SLX4: variants seen among roughly 807,000 people sequenced by gnomAD.
SLX4 encodes SLX4 structure-specific endonuclease subunit.
In SLX4, 112 loss-of-function variants were observed where a neutral mutation model predicts 146.2. The observed-to-expected ratio is 0.77, with a 90% CI of 0.66 to 0.90. The LOEUF (loss-of-function observed/expected upper bound fraction) is 0.90. Ranked by LOEUF, SLX4 falls within the 40% of genes least tolerant of loss-of-function variation. SLX4 has a pLI of 0.00. For synonymous variants in SLX4, 1,061 were observed against 997.7 expected (o/e 1.06, Z -1.20); for missense variants, 2,563 against 2,392.7 (o/e 1.07, Z -1.49).
chr16:3,604,877 T>C (rs997908494), intron 3 of SLX4, among the ~76,000 whole-genome samples: 4 of 151,158 alleles, frequency 2.6e-5, no homozygotes, highest in Non-Finnish European at 5.9e-5. Flanking sequence ...AATGTTAACA[T>C]TTGTTAAATC....
Position 3,589,535 on chromosome 16 carries a change from T to G in SLX4, c.4103A>C (p.His1368Pro), listed in dbSNP as rs777525901. Residue 1368 changes from histidine to proline, a missense_variant, in exon 12 of 15, where the codon CAC becomes CCC. By Grantham distance (77) the His-to-Pro change is moderately conservative. Coordinates refer to ENST00000294008, the MANE Select transcript of SLX4 (RefSeq NM_032444.4). This position sits in a 1 kb window ranked among gnomAD's most constrained non-coding sequence, Gnocchi z 6.2. ...GTGTTTCAGGAACCGCCTGCTGAAGTGGGCGCGGTCCCCTGAGATGGGATG... is the reference window on the plus strand; with the variant it reads ...GTGTTTCAGGAACCGCCTGCTGAAGGGGGCGCGGTCCCCTGAGATGGGATG... ...APHPISGDRAHFSRRFLKHSP... is the reference protein window; with the variant it reads ...APHPISGDRAPFSRRFLKHSP... The G allele has an allele frequency of 1.9e-6, 3 of 1,609,708 alleles. No homozygotes were observed. In the South Asian group the frequency reaches 3.3e-5, roughly 18 times the overall value.
chr16:3,594,371 C>T, intron 10 of SLX4, 82 bp downstream of exon 10: 1 of 1,548,492 alleles, frequency 6.5e-7, no homozygotes, highest in Non-Finnish European at 8.7e-7. Context: ...GCACCTGAGA[C>T]ATGGGAAGAC....
At chr16:3,593,378 G>C (rs1371043588) in intron 10 of SLX4, among the ~76,000 whole-genome samples, 1 of 152,110 alleles carries the variant, frequency 6.6e-6, no homozygotes, top group Non-Finnish European at 1.5e-5. Context: ...CCAGCCCCTA[G>C]GCTAATTTTT....
At chr16:3,594,242 C>A (rs914412237) in intron 10 of SLX4, among the ~76,000 whole-genome samples, 5 of 152,126 alleles carry the variant, frequency 3.3e-5, no homozygotes, top group Admixed American at 2.6e-4. Context: ...CACACCCACT[C>A]CTAACCTCAA....
At position 3,583,425 on chromosome 16, in the gene SLX4, C is replaced by CT; in HGVS notation, c.4824dup (p.Asp1609ArgfsTer47). 1 of 1,613,982 alleles carries CT rather than the reference C, an allele frequency of 6.2e-7. No individual in the cohort carries two copies. The highest frequency in any genetic ancestry group is 8.5e-7 in the Non-Finnish European group (1 of 1,179,884). On this transcript the variant is annotated frameshift_variant, in exon 14 of 15. Transcript: ENST00000294008. LOFTEE classifies it high-confidence loss of function. ...GAGGACTGGCTCTCGTCCTCGGAGT[C>CT]TGAGTCCAGGGTCTGGTGAGTGTAC... is the stretch of plus-strand genomic sequence containing the variant.
chr16:3,598,171 G>A (rs2151132272), intron 5 of SLX4, among the ~76,000 whole-genome samples, 172 bp from the exon 6 acceptor site: 1 of 152,258 alleles, frequency 6.6e-6, no homozygotes, highest in East Asian at 1.9e-4. Context: ...TCAATTCCAG[G>A]CCAGAAGTTC....
rs2040671305 is a variant in SLX4, at chr16:3,597,268, C to T, written c.1683+111G>A. The T allele has an allele frequency of 1.5e-6, 2 of 1,297,128 alleles. No homozygotes were observed. Among genetic ancestry groups the T allele is most frequent in the Non-Finnish European group, 2.1e-6 (2 of 965,346 alleles). 80.4% of individuals were successfully genotyped at this position (1,297,128 alleles called of 1,614,324 possible). The stretch of plus-strand genomic sequence containing the variant: ...CCCCTCTGGCCTCCTCCCGCCTCTG[C>T]CTTTCCTTCCTGGACTTTCCATCAC... On this transcript the variant is annotated intron_variant, in intron 7 of 14. Coordinates refer to ENST00000294008, the MANE Select transcript of SLX4 (RefSeq NM_032444.4). The surrounding 1 kb of genome is among the most constrained non-coding windows in gnomAD (Gnocchi z 4.4).
chr16:3,590,368 C>A lies in SLX4; in HGVS notation c.3270G>T (p.Thr1090=). The A allele has an allele frequency of 6.2e-7, 1 of 1,614,240 alleles. No individual in the cohort carries two copies. Among genetic ancestry groups the A allele is most frequent in the South Asian group, 1.1e-5 (1 of 91,082 alleles). The change falls in exon 12 of 15, where the codon ACG becomes ACT. Residue 1090 remains threonine, a synonymous_variant. Transcript: ENST00000294008. The surrounding 1 kb of genome is among the most constrained non-coding windows in gnomAD (Gnocchi z 4.8). Reference sequence around the variant, plus strand: ...TCTGGTGCCCTGGCTCTTTAGACAGCGTGAGGATGCTCCTGTCCCTTTTCT... The same window carrying A: ...TCTGGTGCCCTGGCTCTTTAGACAGAGTGAGGATGCTCCTGTCCCTTTTCT... ...SKQKRDRSIL[T]LSKEPGHQKG... is the part of the protein sequence containing the mutation.
chr16:3,595,031 G>T (rs1018582872), intron 9 of SLX4, among the ~76,000 whole-genome samples: 4 of 152,214 alleles, frequency 2.6e-5, no homozygotes, highest in Admixed American at 2.0e-4. Context: ...AGTCTGTGAT[G>T]ATGTCCCTAG....
chr16:3,606,844 C>G (rs2040791315), intron 2 of SLX4, 146 bp from the exon 3 acceptor site: 1 of 821,462 alleles, frequency 1.2e-6, no homozygotes, highest in African/African-American at 1.7e-5. Context: ...GGACTGGTTG[C>G]TTGTTGGTAA....
intron 12 of SLX4, 79 bp downstream of exon 12, chr16:3,588,923 T>G: frequency 1.9e-6 from 3 of 1,583,570 alleles, no homozygotes; most frequent in Non-Finnish European, 2.6e-6. Flanking sequence ...CCCCTGGGTC[T>G]CATGACTGAT....
In SLX4 at chr16:3,583,106, C is replaced by T. The variant is rs754498907; in HGVS notation, c.5144G>A (p.Ser1715Asn). The change falls in exon 14 of 15, where the codon AGC (serine) becomes AAC (asparagine). Residue 1715 changes from serine (S) to asparagine (N), a missense_variant. Coordinates refer to ENST00000294008, the MANE Select transcript of SLX4 (RefSeq NM_032444.4). The part of the protein sequence containing the change: ...TSVDGSDSSL[S>N]SQSSSSCEFG... ...GCATCCATCCGGTTACCTCTGTGAG[C>T]TCAAGGAGCTGTCACTGCCATCCAC... 88 of 1,614,146 alleles carry T rather than the reference C, an allele frequency of 5.5e-5. No homozygotes were observed. The highest frequency in any genetic ancestry group is 7.3e-5 in the Non-Finnish European group (86 of 1,180,058).
At chr16:3,595,503 A>G in intron 9 of SLX4, 102 bp downstream of exon 9, 1 of 1,305,466 alleles carries the variant, frequency 7.7e-7, no homozygotes, top group Admixed American at 1.7e-5. Flanking sequence ...AGGCCACTGC[A>G]CTTGCGTTGG....
rs1375613075 is a variant in SLX4, at chr16:3,583,464, T to A, written c.4786A>T (p.Lys1596Ter). The A allele has an allele frequency of 6.2e-7, 1 of 1,614,078 alleles. No homozygotes were observed. Among genetic ancestry groups the A allele is most frequent in the Non-Finnish European group, 8.5e-7 (1 of 1,180,052 alleles). Residue 1596 changes from lysine to a stop codon, truncating the protein, a stop_gained, in exon 14 of 15, where the codon AAG becomes TAG. Coordinates refer to ENST00000294008, the MANE Select transcript of SLX4 (RefSeq NM_032444.4). LOFTEE classifies it high-confidence loss of function. ...LPKRQMVLKLKEIFQYTHQTL... is the reference protein window; with the variant it reads ...LPKRQMVLKL Reference sequence around the variant, plus strand: ...TGGTGAGTGTACTGGAATATCTCCTTCAGCTTCAGAACCATCTGGCGTTTA... The same window carrying A: ...TGGTGAGTGTACTGGAATATCTCCTACAGCTTCAGAACCATCTGGCGTTTA...
At position 3,591,306 on chromosome 16, in the gene SLX4, C is replaced by T; in HGVS notation, c.2332G>A (p.Gly778Ser). ...SELSSLAHRFGVSELVHLCEQ... is the reference protein window; with the variant it reads ...SELSSLAHRFSVSELVHLCEQ... ...CACAGGTGAACGAGCTCACTCACGCCAAACCTGCAACACGAAACATCGACA... is the reference window on the plus strand; with the variant it reads ...CACAGGTGAACGAGCTCACTCACGCTAAACCTGCAACACGAAACATCGACA... The change falls in exon 12 of 15, where the codon GGC becomes AGC. Residue 778 changes from glycine to serine, a missense_variant. Gly to Ser is a moderately conservative substitution (Grantham distance 56, BLOSUM62 0). Transcript: ENST00000294008. 6.2e-7 allele frequency: 1 copy of T among 1,610,830 alleles called. No individual in the cohort carries two copies. Among genetic ancestry groups the T allele is most frequent in the South Asian group, 1.1e-5 (1 of 91,076 alleles).
chr16:3,592,195 G>A (rs1417644942), intron 11 of SLX4, among the ~76,000 whole-genome samples: 5 of 152,192 alleles, frequency 3.3e-5, no homozygotes, highest in South Asian at 2.1e-4. Flanking sequence ...TCGGATCAGC[G>A]GCCCAGGCCC....
In SLX4 at chr16:3,601,155, A is replaced by AGAAG; in HGVS notation, c.983_986dup (p.Val330PhefsTer7). 6.2e-7 allele frequency: 1 copy of AGAAG among 1,614,104 alleles called. No individual in the cohort carries two copies. Reference sequence around the variant, plus strand: ...TCGGGCACTCAGGGATCTGAGGCACAGAAGGTCTTAGTGTCTTTTCAGCTT... The same window carrying AGAAG: ...TCGGGCACTCAGGGATCTGAGGCACAGAAGGAAGGTCTTAGTGTCTTTTCAGCTT... On this transcript the variant is annotated frameshift_variant, in exon 5 of 15. Transcript: ENST00000294008. LOFTEE classifies it high-confidence loss of function.
rs981088260 is a variant in SLX4 at position 3,592,554 on chromosome 16, G to T, written c.2327+145C>A. On this transcript the variant is annotated intron_variant, in intron 11 of 14. Transcript: ENST00000294008. Reference sequence around the variant, plus strand: ...TGCCCTGTTCCACAGGGTCATCACTGGTCATGGACTTGGGATTAAAAGGTA... The same window carrying T: ...TGCCCTGTTCCACAGGGTCATCACTTGTCATGGACTTGGGATTAAAAGGTA... 1.2e-5 allele frequency: 12 copies of T among 1,007,154 alleles called. No homozygotes were observed. The East Asian group carries it at 2.6e-4, about 22-fold the overall frequency. 62.4% of individuals were successfully genotyped at this position (1,007,154 alleles called of 1,614,324 possible). A position where few individuals can be genotyped will look rare whatever the true frequency, so the allele number is the denominator to read the frequency against.
At position 3,582,688 on chromosome 16, in the gene SLX4, G is replaced by C; in HGVS notation, c.5159C>G (p.Ser1720Cys). 1 of 1,611,482 alleles carries C rather than the reference G, an allele frequency of 6.2e-7. No homozygotes were observed. The highest frequency in any genetic ancestry group is 8.5e-7 in the Non-Finnish European group (1 of 1,179,860). Residue 1720 changes from serine (S) to cysteine (C), a missense_variant, in exon 15 of 15, where the codon TCC becomes TGC. By Grantham distance (112) the Ser-to-Cys change is moderately radical. Coordinates refer to ENST00000294008, the MANE Select transcript of SLX4 (RefSeq NM_032444.4). ...SDSSLSSQSS[S>C]SCEFGAAFES... Reference sequence around the variant, plus strand: ...AAATGCCGCTCCAAACTCACAGGAGGAAGAACTGAAAAGAGCCAGACCAGG... The same window carrying C: ...AAATGCCGCTCCAAACTCACAGGAGCAAGAACTGAAAAGAGCCAGACCAGG...
Sources: gnomAD v4.1 joint callset for allele counts (sites outside exome capture counted in the v4.1 genomes callset) on GRCh38, gnomAD v4.1.1 for gene constraint, Gnocchi (gnomAD v3.1) non-coding constraint, MANE v1.5 for transcripts, NCBI Gene and HGNC (gene_info 2026-07-23, HGNC 2026-07-21) for gene names.